KANK1: variants seen among roughly 807,000 people sequenced by gnomAD.
KANK1 encodes the protein KN motif and ankyrin repeat domain-containing protein 1.
In KANK1, 109 loss-of-function variants were observed where a neutral mutation model predicts 106.2. The observed-to-expected ratio is 1.03, with a 90% CI of 0.88 to 1.20. KANK1 has a LOEUF of 1.20. Ranked by LOEUF, KANK1 falls within the 50% of genes most tolerant of loss-of-function variation. KANK1 has a pLI of 0.00. For missense variants in KANK1, 2,399 were observed against 1,710.7 expected (o/e 1.40, Z -7.10); for synonymous variants, 873 against 652.2 (o/e 1.34, Z -5.16).
intron 3 of KANK1, chr9:476,711 C>G (rs1045737163): frequency 8.5e-5 from 13 of 152,148 alleles, no homozygotes; most frequent in Non-Finnish European, 1.6e-4. Flanking sequence ...TCTCTGCACA[C>G]TAAGAGATTT....
chr9:558,868 G>A (rs908126081), intron 1 of KANK1: 4 of 152,032 alleles, frequency 2.6e-5, no homozygotes, highest in African/African-American at 4.8e-5. Flanking sequence ...GGAATGATAC[G>A]GAGAAGATTA....
chr9:483,060 TTAA>T (rs1175727568), intron 3 of KANK1, among the ~76,000 whole-genome samples: 1 of 152,204 alleles, frequency 6.6e-6, no homozygotes, highest in African/African-American at 2.4e-5. Context: ...CTTATTTTAC[TTAA>T]TAATGGCCCA....
chr9:510,259 T>A (rs12342157), intron 1 of KANK1, among the ~76,000 whole-genome samples: 44,650 of 152,152 alleles, frequency 0.29, 10,902 homozygotes, highest in African/African-American at 0.68. Flanking sequence ...TTCATTTAGG[T>A]ATCACTGATT....
intron 1 of KANK1, among the ~76,000 whole-genome samples, chr9:517,474 C>T (rs2059335244): frequency 6.6e-6 from 1 of 151,558 alleles, no homozygotes; most frequent in Non-Finnish European, 1.5e-5. Flanking sequence ...CTTTTTGTTT[C>T]TTTTTTAGGT....
chr9:737,847 AGTATGATTACATCATATTAATAGC>A (rs1317454182), intron 7 of KANK1, among the ~76,000 whole-genome samples: 1 of 152,254 alleles, frequency 6.6e-6, no homozygotes, highest in Non-Finnish European at 1.5e-5. Flanking sequence ...TTGCAAGGCC[AGTATGATTACATCATATTAATAGC>A]TTAATAAATG....
At chr9:512,249 G>GTATA (rs1554605648) in intron 1 of KANK1, among the ~76,000 whole-genome samples, 12 of 149,506 alleles carry the variant, frequency 8.0e-5, no homozygotes, top group African/African-American at 2.5e-4. Flanking sequence ...GTGTGTGTGT[G>GTATA]TATGTATATA....
chr9:648,551 G>T (rs188650389), intron 1 of KANK1, among the ~76,000 whole-genome samples: 1 of 152,072 alleles, frequency 6.6e-6, no homozygotes, highest in Non-Finnish European at 1.5e-5. Flanking sequence ...GGCTCTGAGC[G>T]CGAGGCTCTC....
intron 1 of KANK1, among the ~76,000 whole-genome samples, chr9:609,375 C>T (rs1685571173): frequency 6.6e-6 from 1 of 152,184 alleles, no homozygotes; most frequent in African/African-American, 2.4e-5. Flanking sequence ...CGCCTGTAAT[C>T]CCAGCACTTT....
intron 1 of KANK1, among the ~76,000 whole-genome samples, chr9:568,930 G>A (rs765805563): frequency 2.0e-5 from 3 of 152,138 alleles, no homozygotes; most frequent in African/African-American, 7.2e-5. Flanking sequence ...AAATGGGATC[G>A]ATTTCCACAC....
intron 1 of KANK1, among the ~76,000 whole-genome samples, chr9:547,024 G>A (rs766171642): frequency 3.3e-5 from 5 of 152,204 alleles, no homozygotes; most frequent in Non-Finnish European, 5.9e-5. Context: ...TCTCAACAAT[G>A]TCAAAATTGT....
intron 5 of KANK1, 28 bp from the exon 6 acceptor site, chr9:732,350 A>T: frequency 6.3e-7 from 1 of 1,598,092 alleles, no homozygotes; most frequent in Non-Finnish European, 8.6e-7. Flanking sequence ...CACACCTTGC[A>T]TCTCCTGAAA....
chr9:504,922 CG>C (rs889935077), intron 1 of KANK1, among the ~76,000 whole-genome samples, 168 bp downstream of exon 1: 18 of 150,526 alleles, frequency 1.2e-4, no homozygotes, highest in African/African-American at 4.1e-4. Flanking sequence ...CGCGGGCTCC[CG>C]CTCGTGCGGG....
chr9:631,747 C>T (rs1241121560), intron 1 of KANK1, among the ~76,000 whole-genome samples: 2 of 152,224 alleles, frequency 1.3e-5, no homozygotes, highest in African/African-American at 4.8e-5. Context: ...TAACTCCTCA[C>T]ACACCCCATT....
At chr9:570,403 G>T (rs898123050) in intron 1 of KANK1, among the ~76,000 whole-genome samples, 49 of 152,320 alleles carry the variant, frequency 3.2e-4, no homozygotes, top group African/African-American at 1.1e-3. Flanking sequence ...CTGTTGTCCA[G>T]TGGGCCCAGC....
intron 3 of KANK1, among the ~76,000 whole-genome samples, chr9:715,166 G>C (rs1321280129): frequency 6.6e-6 from 1 of 152,134 alleles, no homozygotes; most frequent in African/African-American, 2.4e-5. Flanking sequence ...GAATATGACA[G>C]CTCATGTGTG....
intron 1 of KANK1, among the ~76,000 whole-genome samples, chr9:530,877 A>G (rs1235083487): frequency 1.3e-5 from 2 of 152,146 alleles, no homozygotes; most frequent in African/African-American, 2.4e-5. Flanking sequence ...AGTTCCAGCT[A>G]CTTGGCAGGC....
chr9:703,452 A>G lies in KANK1; in HGVS notation c.38-7352A>G, dbSNP rs1402625033. Among the ~76,000 whole-genome samples, 2 of 152,144 alleles carry G rather than the reference A, an allele frequency of 1.3e-5. 1 individual carries two copies. The highest frequency in any genetic ancestry group is 4.1e-4 in the South Asian group (2 of 4,832). On this transcript the variant is annotated intron_variant, in intron 2 of 11. Coordinates refer to ENST00000382297, the MANE Select transcript of KANK1 (RefSeq NM_015158.5). ...TTTTCTGTAGCCAATTAAGCTTTCA[A>G]TAAATGTTTATATAATGAAAGTAGA...
At chr9:505,188 G>T (rs2132592679) in intron 1 of KANK1, among the ~76,000 whole-genome samples, 1 of 152,262 alleles carries the variant, frequency 6.6e-6, no homozygotes, top group South Asian at 2.1e-4. Flanking sequence ...GGGCGGAACG[G>T]GGGACCCTCT....
intron 1 of KANK1, among the ~76,000 whole-genome samples, chr9:535,967 A>AC (rs2133691477): frequency 6.6e-6 from 1 of 152,298 alleles, no homozygotes; most frequent in East Asian, 1.9e-4. Context: ...TATTTGTTAT[A>AC]ACAGCACCCC....
Sources: allele counts gnomAD v4.1 joint callset (sites outside exome capture counted in the v4.1 genomes callset), GRCh38; gene constraint gnomAD v4.1.1; transcripts MANE v1.5; gene names NCBI Gene and HGNC (gene_info 2026-07-23, HGNC 2026-07-21).